CCDC186: variants seen among roughly 807,000 people sequenced by gnomAD.
The protein encoded by CCDC186 is coiled-coil domain containing 186.
In CCDC186, 49 loss-of-function variants were observed where a neutral mutation model predicts 113.7. The observed-to-expected ratio is 0.43, with a 90% CI of 0.34 to 0.55. The LOEUF is 0.55. Ranked by LOEUF, CCDC186 falls within the 20% of genes least tolerant of loss-of-function variation. The pLI, the probability that CCDC186 is intolerant of heterozygous loss-of-function variation, is 0.02. For missense variants in CCDC186, 890 were observed against 1,011.1 expected (o/e 0.88, Z 1.62); for synonymous variants, 355 against 345.8 (o/e 1.03, Z -0.30).
chr10:114,138,246 AC>A (rs1188958019), intron 6 of CCDC186, among the ~76,000 whole-genome samples: 3 of 127,398 alleles, frequency 2.4e-5, no homozygotes, highest in South Asian at 2.3e-4. Context: ...TCACAAAAAA[AC>A]AAAACAAAAC....
intron 2 of CCDC186, among the ~76,000 whole-genome samples, chr10:114,159,656 A>AAG (rs2032108913): frequency 6.6e-6 from 1 of 151,472 alleles, no homozygotes; most frequent in Non-Finnish European, 1.5e-5. Context: ...AAAAAAAAAA[A>AAG]AAAAAAAAGA....
At chr10:114,141,121 CT>C (rs1275129865) in intron 6 of CCDC186, among the ~76,000 whole-genome samples, 1 of 152,038 alleles carries the variant, frequency 6.6e-6, no homozygotes, top group Non-Finnish European at 1.5e-5. Flanking sequence ...TCTCAAACTC[CT>C]GACCTCAAGC....
At chr10:114,145,786 T>C (rs2031620722) in intron 4 of CCDC186, 25 bp from the exon 5 acceptor site, 1 of 1,545,188 alleles carries the variant, frequency 6.5e-7, no homozygotes, top group African/African-American at 1.4e-5. Flanking sequence ...TTACTTAGCA[T>C]TAATGAAAAA....
intron 1 of CCDC186, among the ~76,000 whole-genome samples, chr10:114,171,450 C>T (rs1034128662): frequency 3.9e-5 from 6 of 152,056 alleles, no homozygotes; most frequent in South Asian, 2.1e-4. Context: ...ACTCAGGAGG[C>T]TAAGGCAGGA....
In CCDC186 at chr10:114,135,985, A is replaced by G. The variant is rs773503554; in HGVS notation, c.1426-8T>C. On this transcript the variant is annotated splice_polypyrimidine_tract_variant and splice_region_variant and intron_variant, in intron 8 of 15. Coordinates refer to ENST00000369287, the MANE Select transcript of CCDC186 (RefSeq NM_018017.4). ...TATTTTGGCATGATGCATCTTTAAA[A>G]AAGTTTAAAAGAAACAACAAATCAT... 2 of 1,604,500 alleles carry G rather than the reference A, an allele frequency of 1.2e-6. No homozygotes were observed. The highest frequency in any genetic ancestry group is 2.2e-5 in the East Asian group (1 of 44,686).
intron 6 of CCDC186, among the ~76,000 whole-genome samples, chr10:114,143,915 G>A (rs1019470925): frequency 9.9e-5 from 15 of 151,752 alleles, no homozygotes; most frequent in South Asian, 4.2e-4. Context: ...TTAAAATTAC[G>A]GCATCAGGTA....
At chr10:114,160,319 G>A (rs2032134993) in intron 2 of CCDC186, among the ~76,000 whole-genome samples, 1 of 151,964 alleles carries the variant, frequency 6.6e-6, no homozygotes, top group Non-Finnish European at 1.5e-5. Flanking sequence ...ATATTGATGT[G>A]TTCAAAAATC....
At chr10:114,151,309 CATA>C in intron 3 of CCDC186, 89 bp from the exon 4 acceptor site, 1 of 983,032 alleles carries the variant, frequency 1.0e-6, no homozygotes, top group Non-Finnish European at 1.4e-6. Context: ...AGTAAATAAA[CATA>C]AAGAATACAA....
At chr10:114,172,984 T>C (rs1020585624) in intron 1 of CCDC186, among the ~76,000 whole-genome samples, 1 of 152,148 alleles carries the variant, frequency 6.6e-6, no homozygotes, top group African/African-American at 2.4e-5. Flanking sequence ...AAATAGATAA[T>C]AGCAGATTAA....
chr10:114,137,058 A>G (rs1432290617), intron 7 of CCDC186, 128 bp downstream of exon 7: 5 of 610,442 alleles, frequency 8.2e-6, no homozygotes, highest in Non-Finnish European at 1.4e-5. Flanking sequence ...CAGAGGTTGC[A>G]GTGAGCCGAG....
At chr10:114,168,993 G>A (rs1191005132) in intron 1 of CCDC186, among the ~76,000 whole-genome samples, 1 of 149,708 alleles carries the variant, frequency 6.7e-6, no homozygotes. Context: ...TATTCTAGGT[G>A]TTGGGAACAT....
At chr10:114,151,452 A>G (rs1164191132) in intron 3 of CCDC186, among the ~76,000 whole-genome samples, 1 of 152,258 alleles carries the variant, frequency 6.6e-6, no homozygotes, top group Non-Finnish European at 1.5e-5. Context: ...ACAAAGGAAT[A>G]ACACAAAGAA....
At chr10:114,151,468 G>A (rs2119808614) in intron 3 of CCDC186, among the ~76,000 whole-genome samples, 1 of 152,314 alleles carries the variant, frequency 6.6e-6, no homozygotes, top group Admixed American at 6.5e-5. Context: ...AAGAAATACA[G>A]TAGAGTCCCG....
At chr10:114,142,513 G>A (rs537996388) in intron 6 of CCDC186, among the ~76,000 whole-genome samples, 28 of 152,316 alleles carry the variant, frequency 1.8e-4, no homozygotes, top group African/African-American at 6.7e-4. Context: ...AGGTACACTG[G>A]GGGAAATTCA....
intron 4 of CCDC186, among the ~76,000 whole-genome samples, chr10:114,148,353 T>G (rs1013647508): frequency 6.6e-5 from 10 of 152,178 alleles, no homozygotes; most frequent in African/African-American, 2.2e-4. Flanking sequence ...ACAATAACTG[T>G]TATTTAAGCT....
chr10:114,164,094 GTGTGTGTGTA>G (rs1398361391), intron 1 of CCDC186, among the ~76,000 whole-genome samples: 19 of 125,848 alleles, frequency 1.5e-4, no homozygotes, highest in African/African-American at 6.1e-4. Context: ...GTGTGTGTGT[GTGTGTGTGTA>G]TATATATATA....
intron 6 of CCDC186, among the ~76,000 whole-genome samples, chr10:114,141,828 G>C (rs2031478298): frequency 6.6e-6 from 1 of 152,050 alleles, no homozygotes; most frequent in African/African-American, 2.4e-5. Context: ...GGTTCTTCTT[G>C]TTCTGCAGAC....
intron 2 of CCDC186, among the ~76,000 whole-genome samples, chr10:114,159,265 T>C (rs1043129570): frequency 6.6e-6 from 1 of 152,108 alleles, no homozygotes; most frequent in African/African-American, 2.4e-5. Context: ...ACAAGAGTCC[T>C]GCCTATAGTT....
At chr10:114,137,487 A>G (rs1342208640) in intron 6 of CCDC186, among the ~76,000 whole-genome samples, 197 bp from the exon 7 acceptor site, 2 of 152,214 alleles carry the variant, frequency 1.3e-5, no homozygotes, top group Non-Finnish European at 2.9e-5. Context: ...AATACAGTTA[A>G]ATTTGACAGT....
Sources: allele counts gnomAD v4.1 joint callset (sites outside exome capture counted in the v4.1 genomes callset), GRCh38; gene constraint gnomAD v4.1.1; transcripts MANE v1.5; gene names NCBI Gene and HGNC (gene_info 2026-07-23, HGNC 2026-07-21).